The following MARCHF3 variants were observed in gnomAD, a reference collection of about 807,000 sequenced individuals.
MARCHF3 encodes membrane associated ring-CH-type finger 3.
MARCHF3 carries 13 observed loss-of-function variants against 24.2 expected under a neutral mutation model. That is an observed-to-expected ratio of 0.54 (90% CI 0.35 to 0.85). The LOEUF (loss-of-function observed/expected upper bound fraction) is 0.85. MARCHF3 is among the 40% of genes least tolerant of loss of function. MARCHF3 has a pLI of 0.01. For synonymous variants in MARCHF3, 144 were observed against 137.3 expected, an observed-to-expected ratio of 1.05 and a Z score of -0.34; for missense variants, 276 against 325.0, an observed-to-expected ratio of 0.85 and a Z score of 1.16.
rs186268294 is a variant in MARCHF3 at position 126,919,429 on chromosome 5, A to G, written c.-56-1202T>C. Among the ~76,000 whole-genome samples the G allele has an allele frequency of 1.3e-3, 192 of 152,274 alleles. 1 individual carries two copies. The highest frequency in any genetic ancestry group is 4.5e-3 in the African/African-American group (185 of 41,550). ...CAGACTGAGCTCACATCAAGAACCC[A>G]TTTAGGTGGTCAAGGCTCAGACTTA... On this transcript the variant is annotated intron_variant, in intron 1 of 4. Coordinates refer to ENST00000308660, the MANE Select transcript of MARCHF3 (RefSeq NM_178450.5).
chr5:126,878,398 C>T lies in MARCHF3; in HGVS notation c.394-4G>A. On this transcript the variant is annotated splice_region_variant and splice_polypyrimidine_tract_variant and intron_variant, in intron 3 of 4. Coordinates refer to ENST00000308660, the MANE Select transcript of MARCHF3 (RefSeq NM_178450.5). The stretch of plus-strand genomic sequence containing the variant: ...GGGGGCCAGGGTTTCTCAGCCACTG[C>T]CAGGTAAAGGGAGACAGAGAAGAGC... The T allele has an allele frequency of 6.2e-7, 1 of 1,609,402 alleles. No individual in the cohort carries two copies. The highest frequency in any genetic ancestry group is 8.5e-7 in the Non-Finnish European group (1 of 1,177,782).
chr5:126,929,789 A>G (rs1401189746), intron 1 of MARCHF3, among the ~76,000 whole-genome samples: 1 of 152,182 alleles, frequency 6.6e-6, no homozygotes, highest in Non-Finnish European at 1.5e-5. Context: ...GGTGGGAGAT[A>G]ATTGAATCAT....
intron 1 of MARCHF3, among the ~76,000 whole-genome samples, chr5:126,978,890 T>A (rs1452987434): frequency 6.6e-6 from 1 of 152,194 alleles, no homozygotes; most frequent in East Asian, 1.9e-4. Context: ...ATTGTGTACA[T>A]ACATTTTCTG....
chr5:126,921,082 C>CCTAA (rs891783708), intron 1 of MARCHF3, among the ~76,000 whole-genome samples: 2 of 151,538 alleles, frequency 1.3e-5, no homozygotes, highest in Admixed American at 6.6e-5. Context: ...CAATTTAGGA[C>CCTAA]CTAACTAAAA....
intron 1 of MARCHF3, among the ~76,000 whole-genome samples, chr5:127,023,725 T>A (rs934183010): frequency 1.4e-5 from 2 of 145,796 alleles, no homozygotes; most frequent in South Asian, 2.2e-4. Context: ...AGCGAGATTC[T>A]GTCTCAAAAA....
At chr5:127,020,116 A>C (rs991797108) in intron 1 of MARCHF3, among the ~76,000 whole-genome samples, 1 of 152,236 alleles carries the variant, frequency 6.6e-6, no homozygotes, top group Non-Finnish European at 1.5e-5. Context: ...TACGTGCTTA[A>C]TAACTTTGAC....
intron 1 of MARCHF3, among the ~76,000 whole-genome samples, chr5:127,006,644 C>T (rs563713729): frequency 6.6e-6 from 1 of 152,192 alleles, no homozygotes; most frequent in African/African-American, 2.4e-5. Flanking sequence ...CTTTCCTTTT[C>T]ATAAAGAGAA....
intron 2 of MARCHF3, 108 bp from the exon 3 acceptor site, chr5:126,915,242 A>AATGATACGG: frequency 1.0e-6 from 1 of 973,776 alleles, no homozygotes; most frequent in South Asian, 1.8e-5. Context: ...CAGCTGCTTT[A>AATGATACGG]AGACCTCTTA....
intron 1 of MARCHF3, among the ~76,000 whole-genome samples, chr5:126,920,952 G>C (rs1749087940): frequency 6.6e-6 from 1 of 151,888 alleles, no homozygotes; most frequent in Non-Finnish European, 1.5e-5. Context: ...GCTGGGCACT[G>C]AGTTTAGCAT....
intron 1 of MARCHF3, among the ~76,000 whole-genome samples, chr5:126,953,849 T>C (rs1056035006): frequency 9.9e-5 from 15 of 152,230 alleles, no homozygotes; most frequent in African/African-American, 3.6e-4. Context: ...ACTTCTAGGA[T>C]TGGATGTCTA....
chr5:126,975,884 G>A (rs1695574630), intron 1 of MARCHF3, among the ~76,000 whole-genome samples: 1 of 152,194 alleles, frequency 6.6e-6, no homozygotes, highest in African/African-American at 2.4e-5. Flanking sequence ...TCTCTAACTA[G>A]AAAACAGACC....
intron 3 of MARCHF3, among the ~76,000 whole-genome samples, chr5:126,909,802 G>A (rs1029423781): frequency 6.6e-6 from 1 of 152,148 alleles, no homozygotes; most frequent in Non-Finnish European, 1.5e-5. Context: ...GCTGTAGACC[G>A]GAGCTGTTCC....
chr5:127,007,274 T>C (rs1447549962), intron 1 of MARCHF3, among the ~76,000 whole-genome samples: 1 of 152,020 alleles, frequency 6.6e-6, no homozygotes, highest in Non-Finnish European at 1.5e-5. Context: ...CAACATATTA[T>C]CTTGTCTTGC....
chr5:126,908,613 C>A (rs1032591752), intron 3 of MARCHF3, among the ~76,000 whole-genome samples: 1 of 152,096 alleles, frequency 6.6e-6, no homozygotes, highest in Admixed American at 6.5e-5. Flanking sequence ...TTGATCGCAT[C>A]GGCTCCTGAG....
chr5:126,920,589 C>T (rs1749075937), intron 1 of MARCHF3, among the ~76,000 whole-genome samples: 1 of 152,158 alleles, frequency 6.6e-6, no homozygotes, highest in African/African-American at 2.4e-5. Flanking sequence ...CAAACACTCC[C>T]TCCCTCTACT....
At chr5:126,878,071 G>A (rs1753224200) in intron 4 of MARCHF3, 114 bp downstream of exon 4, 2 of 966,608 alleles carry the variant, frequency 2.1e-6, no homozygotes, top group African/African-American at 1.6e-5. Flanking sequence ...AGCAATCGAA[G>A]GTCTGTTTTC....
intron 3 of MARCHF3, among the ~76,000 whole-genome samples, chr5:126,893,518 T>C (rs1439042138): frequency 6.6e-6 from 1 of 151,982 alleles, no homozygotes; most frequent in African/African-American, 2.4e-5. Context: ...TCAAAGAACA[T>C]CTTTATTTCT....
chr5:126,899,917 CA>C (rs1754049052), intron 3 of MARCHF3, among the ~76,000 whole-genome samples: 1 of 152,052 alleles, frequency 6.6e-6, no homozygotes, highest in Non-Finnish European at 1.5e-5. Flanking sequence ...CCTACCTTGA[CA>C]CATCATCACC....
At chr5:127,022,088 T>C (rs1272412734) in intron 1 of MARCHF3, among the ~76,000 whole-genome samples, 1 of 152,190 alleles carries the variant, frequency 6.6e-6, no homozygotes, top group East Asian at 1.9e-4. Context: ...CAATGATAGA[T>C]AAGTGAGCGG....
Sources: gnomAD v4.1 joint callset for allele counts (sites outside exome capture counted in the v4.1 genomes callset) on GRCh38, gnomAD v4.1.1 for gene constraint, MANE v1.5 for transcripts, NCBI Gene and HGNC (gene_info 2026-07-23, HGNC 2026-07-21) for gene names.